ABCA12: variants seen among roughly 807,000 people sequenced by gnomAD.
The protein encoded by ABCA12 is ATP binding cassette subfamily A member 12.
In ABCA12, 156 loss-of-function variants were observed where a neutral mutation model predicts 293.5. That is an observed-to-expected ratio of 0.53 (90% CI 0.47 to 0.61). The LOEUF (loss-of-function observed/expected upper bound fraction) is 0.61. Ranked by LOEUF, ABCA12 falls within the 20% of genes least tolerant of loss-of-function variation. The pLI is 0.00. For missense variants in ABCA12, 2,797 were observed against 3,090.2 expected (o/e 0.91, Z 2.25); for synonymous variants, 1,063 against 1,108.0 (o/e 0.96, Z 0.81).
At chr2:215,064,029 C>T (rs1701588269) in intron 3 of ABCA12, 37 bp downstream of exon 3, 1 of 1,611,888 alleles carries the variant, frequency 6.2e-7, no homozygotes, top group African/African-American at 1.3e-5. Context: ...GATTTGATCT[C>T]TCAGAACAAT....
intron 1 of ABCA12, among the ~76,000 whole-genome samples, chr2:215,124,082 C>T (rs944529966): frequency 6.6e-6 from 1 of 152,206 alleles, no homozygotes; most frequent in African/African-American, 2.4e-5. Context: ...ATCCAGGTCA[C>T]TGCAAATGCT....
At chr2:215,084,273 T>C (rs147044333) in intron 2 of ABCA12, among the ~76,000 whole-genome samples, 461 of 152,190 alleles carry the variant, frequency 3.0e-3, no homozygotes, top group African/African-American at 0.01. Context: ...AGGCATGCGC[T>C]ACCATCCCTG....
intron 1 of ABCA12, among the ~76,000 whole-genome samples, chr2:215,119,018 C>T (rs1015566051): frequency 6.6e-6 from 1 of 152,092 alleles, no homozygotes; most frequent in Admixed American, 6.6e-5. Context: ...CTCTGTTGCC[C>T]AGGGTAGAGT....
At chr2:215,011,681 C>G in intron 16 of ABCA12, 32 bp from the exon 17 acceptor site, 1 of 1,597,006 alleles carries the variant, frequency 6.3e-7, no homozygotes, top group Non-Finnish European at 8.6e-7. Context: ...TTTATTGACA[C>G]TATATGAGCT....
chr2:214,976,983 C>A (rs1458605705), intron 33 of ABCA12, among the ~76,000 whole-genome samples: 4 of 152,150 alleles, frequency 2.6e-5, no homozygotes, highest in African/African-American at 9.7e-5. Flanking sequence ...AATTATGCAG[C>A]ACAAAAATCA....
intron 50 of ABCA12, among the ~76,000 whole-genome samples, chr2:214,940,754 G>A (rs1407301122): frequency 6.6e-6 from 1 of 151,972 alleles, no homozygotes; most frequent in African/African-American, 2.4e-5. Flanking sequence ...GTTTATTTGT[G>A]TAGAAGTGTT....
intron 21 of ABCA12, 40 bp downstream of exon 21, chr2:215,001,518 G>T (rs1388154868): frequency 6.2e-7 from 1 of 1,612,652 alleles, no homozygotes; most frequent in Admixed American, 1.7e-5. Context: ...GCCAATTTTA[G>T]CACAAAGAGA....
rs763429418 is a variant in ABCA12, at chr2:214,958,356, T to G, written c.6038A>C (p.Gln2013Pro). 3.1e-6 allele frequency: 5 copies of G among 1,614,034 alleles called. No homozygotes were observed. Among genetic ancestry groups the G allele is most frequent in the Non-Finnish European group, 3.4e-6 (4 of 1,179,924 alleles). The change falls in exon 41 of 53, where the codon CAA (glutamine) becomes CCA (proline). Residue 2013 changes from glutamine to proline, a missense_variant. By Grantham distance (76) the Gln-to-Pro change is moderately conservative. Around this residue, in one of 3 missense-constraint regions of ABCA12, gnomAD observed 2,130 missense variants for 2,427.0 expected, o/e 0.88. Coordinates refer to ENST00000272895, the MANE Select transcript of ABCA12 (RefSeq NM_173076.3). The stretch of plus-strand genomic sequence containing the variant: ...GTGCTGCAACTGTTTGGCTTTGGTT[T>G]GATGTTCCCTTACAACATAGGTGAC... ...SFVTYVVREH[Q>P]TKAKQLQHIS...
At position 214,968,897 on chromosome 2, in the gene ABCA12, T is replaced by C. The variant is rs1699326124; in HGVS notation, c.5691-90A>G. Reference sequence around the variant, plus strand: ...ATACTTAACGAGGAGCTCAACTTTTTGTTTCTGTTAGGAACACATTTACAG... The same window carrying C: ...ATACTTAACGAGGAGCTCAACTTTTCGTTTCTGTTAGGAACACATTTACAG... On this transcript the variant is annotated intron_variant, in intron 37 of 52. Coordinates refer to ENST00000272895, the MANE Select transcript of ABCA12 (RefSeq NM_173076.3). 6 of 1,139,266 alleles carry C rather than the reference T, an allele frequency of 5.3e-6. No homozygotes were observed. The South Asian group carries it at 7.6e-5, about 14-fold the overall frequency. The allele number at this position is 1,139,266 out of a possible 1,614,324, so 70.6% of individuals were successfully genotyped here.
rs1359157674 is a variant in ABCA12 at position 214,968,724 on chromosome 2, G to A, written c.5774C>T (p.Ala1925Val). 3.1e-6 allele frequency: 5 copies of A among 1,612,838 alleles called. No homozygotes were observed. The highest frequency in any genetic ancestry group is 4.2e-6 in the Non-Finnish European group (5 of 1,179,178). ...AGAAAAAAGATCAAAATTTACCTTGGCAAGTGTTCTATTGGCAGGGACTCC... is the reference window on the plus strand; with the variant it reads ...AGAAAAAAGATCAAAATTTACCTTGACAAGTGTTCTATTGGCAGGGACTCC... ...ITGVPANRTLAKVWYDPEGYH... is the reference protein window; with the variant it reads ...ITGVPANRTLVKVWYDPEGYH... Residue 1925 changes from alanine (A) to valine (V), a missense_variant, in exon 38 of 53, where the codon GCC becomes GTC. Around this residue, in one of 3 missense-constraint regions of ABCA12, gnomAD observed 2,130 missense variants for 2,427.0 expected, o/e 0.88. Coordinates refer to ENST00000272895, the MANE Select transcript of ABCA12 (RefSeq NM_173076.3).
At position 215,109,015 on chromosome 2, in the gene ABCA12, C is replaced by T. The variant is rs75413196; in HGVS notation, c.163+2582G>A. On this transcript the variant is annotated intron_variant, in intron 2 of 52. Transcript: ENST00000272895. Reference sequence around the variant, plus strand: ...CCAGGAGGCAGAGGTGGCAGCGAGCCGAGATCGCACCACTGTACTCTAGCC... The same window carrying T: ...CCAGGAGGCAGAGGTGGCAGCGAGCTGAGATCGCACCACTGTACTCTAGCC... 5.3e-3 allele frequency among the ~76,000 whole-genome samples: 804 copies of T among 151,408 alleles called. 22 individuals are homozygous for T. The East Asian group carries it at 0.078, about 15-fold the overall frequency.
At chr2:214,947,758 T>G in intron 47 of ABCA12, 1 of 622,916 alleles carries the variant, frequency 1.6e-6, no homozygotes, top group Non-Finnish European at 2.7e-6. Context: ...AAAGAGATTC[T>G]TTGGAGGCTC....
chr2:214,998,251 A>G (rs899957734), intron 22 of ABCA12, among the ~76,000 whole-genome samples: 1 of 152,210 alleles, frequency 6.6e-6, no homozygotes, highest in South Asian at 2.1e-4. Flanking sequence ...TACTCTTAGG[A>G]AGATCATAGT....
chr2:214,943,051 G>T (rs762245993), intron 49 of ABCA12, 34 bp from the exon 50 acceptor site: 13 of 1,573,592 alleles, frequency 8.3e-6, no homozygotes, highest in Non-Finnish European at 1.1e-5. Context: ...TTAGCATTCA[G>T]GATACAGAAA....
chr2:215,041,957 G>A (rs10171715), intron 7 of ABCA12, among the ~76,000 whole-genome samples: 12,885 of 152,168 alleles, frequency 0.085, 1,531 homozygotes, highest in African/African-American at 0.27. Flanking sequence ...TCTTGTATGG[G>A]AAGTATCTAA....
chr2:214,974,712 C>T (rs1156686960), intron 35 of ABCA12, 66 bp downstream of exon 35: 11 of 1,431,070 alleles, frequency 7.7e-6, no homozygotes, highest in Middle Eastern at 1.7e-4. Context: ...CACACACCCA[C>T]ATACACATGC....
chr2:215,022,745 A>T (rs1700658071), intron 11 of ABCA12: 1 of 152,122 alleles, frequency 6.6e-6, no homozygotes, highest in African/African-American at 2.4e-5. Context: ...GATGGTACTG[A>T]CCTCACAATA....
intron 5 of ABCA12, among the ~76,000 whole-genome samples, chr2:215,050,562 T>C (rs1701300276): frequency 6.6e-6 from 1 of 152,132 alleles, no homozygotes; most frequent in Admixed American, 6.6e-5. Context: ...GATAGTTAGT[T>C]GTCAGACTTA....
chr2:215,078,066 A>G (rs1701867230), intron 2 of ABCA12, among the ~76,000 whole-genome samples: 1 of 152,198 alleles, frequency 6.6e-6, no homozygotes, highest in African/African-American at 2.4e-5. Context: ...TTCCTGTGAA[A>G]GGTAAAATTT....
Sources: allele counts gnomAD v4.1 joint callset (sites outside exome capture counted in the v4.1 genomes callset), GRCh38; gene constraint gnomAD v4.1.1; regional missense constraint gnomAD v4.1.1; transcripts MANE v1.5; gene names NCBI Gene and HGNC (gene_info 2026-07-23, HGNC 2026-07-21).